CSMD1: variants seen among roughly 807,000 people sequenced by gnomAD.
The protein encoded by CSMD1 is CUB and sushi domain-containing protein 1.
In CSMD1, 213 loss-of-function variants were observed where a neutral mutation model predicts 417.5. That is an observed-to-expected ratio of 0.51 (90% CI 0.46 to 0.57). The LOEUF is 0.57. Ranked by LOEUF, CSMD1 falls within the 20% of genes least tolerant of loss-of-function variation. CSMD1 has a pLI of 0.00. For synonymous variants in CSMD1, 2,862 were observed against 1,736.8 expected (o/e 1.65, Z -16.11); for missense variants, 6,923 against 4,529.7 (o/e 1.53, Z -15.17).
chr8:3,615,441 A>G (rs1285131495), intron 8 of CSMD1, among the ~76,000 whole-genome samples: 1 of 152,144 alleles, frequency 6.6e-6, no homozygotes, highest in East Asian at 1.9e-4. Flanking sequence ...TTTCATCTCA[A>G]GCTCTGCCTC....
intron 23 of CSMD1, among the ~76,000 whole-genome samples, chr8:3,314,423 T>A (rs1020534738): frequency 6.6e-6 from 1 of 152,210 alleles, no homozygotes. Context: ...TATCCTTTTC[T>A]ATCTTGAAGC....
intron 3 of CSMD1, among the ~76,000 whole-genome samples, chr8:4,122,617 A>T (rs1430326438): frequency 6.6e-6 from 1 of 152,166 alleles, no homozygotes; most frequent in African/African-American, 2.4e-5. Flanking sequence ...GCAGAGATGG[A>T]GGTGATAAGC....
At chr8:4,121,017 A>T (rs986888553) in intron 3 of CSMD1, among the ~76,000 whole-genome samples, 1 of 152,182 alleles carries the variant, frequency 6.6e-6, no homozygotes, top group African/African-American at 2.4e-5. Context: ...TGGTTTATTA[A>T]ACATACTAGT....
chr8:3,923,674 T>C (rs1809440494), intron 5 of CSMD1, among the ~76,000 whole-genome samples: 1 of 152,186 alleles, frequency 6.6e-6, no homozygotes, highest in Non-Finnish European at 1.5e-5. Context: ...ATACATTCTT[T>C]TTATCTGTAG....
rs149676038 is a variant in CSMD1 at position 3,527,574 on chromosome 8, G to T, written c.1345-33848C>A. Among the ~76,000 whole-genome samples, 170 of 151,990 alleles carry T rather than the reference G, an allele frequency of 1.1e-3. 1 individual carries two copies. Among genetic ancestry groups the T allele is most frequent in the African/African-American group, 3.9e-3 (161 of 41,420 alleles). On this transcript the variant is annotated intron_variant, in intron 10 of 69. Coordinates refer to ENST00000635120, the MANE Select transcript of CSMD1 (RefSeq NM_033225.6). ...AAGAATTGATACCTGTGATAAAATCGCACAGAACTCTATACACACACACAC... is the reference window on the plus strand; with the variant it reads ...AAGAATTGATACCTGTGATAAAATCTCACAGAACTCTATACACACACACAC...
Position 4,295,188 on chromosome 8 carries a change from T to TTA in CSMD1, c.415+124763_415+124764dup, listed in dbSNP as rs560597162. Among the ~76,000 whole-genome samples, 211 of 98,170 alleles carry TTA rather than the reference T, an allele frequency of 2.1e-3. 5 individuals carry two copies. Among genetic ancestry groups the TTA allele is most frequent in the African/African-American group, 6.7e-3 (201 of 29,932 alleles). The allele number at this position is 98,170 out of a possible 152,430, so 64.4% of individuals were successfully genotyped here. A position where few individuals can be genotyped will look rare whatever the true frequency, so the allele number is the denominator to read the frequency against. Reference sequence around the variant, plus strand: ...ATCTTAAGATTATATAATCTTAAGATTATGCACATATAATCTTAAGATTTT... The same window carrying TTA: ...ATCTTAAGATTATATAATCTTAAGATTATATGCACATATAATCTTAAGATTTT... On this transcript the variant is annotated intron_variant, in intron 3 of 69. Transcript: ENST00000635120.
intron 3 of CSMD1, among the ~76,000 whole-genome samples, chr8:4,173,033 A>G (rs1028706492): frequency 2.0e-5 from 3 of 152,166 alleles, no homozygotes; most frequent in Non-Finnish European, 4.4e-5. Flanking sequence ...TTTAGCCCCT[A>G]ATATTGCAAG....
chr8:3,262,539 GA>G (rs776200645), intron 26 of CSMD1, among the ~76,000 whole-genome samples: 14 of 142,100 alleles, frequency 9.9e-5, no homozygotes, highest in African/African-American at 2.6e-4. Context: ...CGGGCCAAAT[GA>G]AAAAAAAAAG....
At chr8:3,168,477 G>C (rs1182526922) in intron 37 of CSMD1, among the ~76,000 whole-genome samples, 3 of 152,050 alleles carry the variant, frequency 2.0e-5, no homozygotes, top group African/African-American at 7.3e-5. Flanking sequence ...TGGAACATAG[G>C]GGAAGAAAGA....
At chr8:4,475,860 G>C (rs1020218577) in intron 2 of CSMD1, among the ~76,000 whole-genome samples, 3 of 152,052 alleles carry the variant, frequency 2.0e-5, no homozygotes, top group Non-Finnish European at 2.9e-5. Context: ...TGATCCACCT[G>C]CCTTACGCTC....
chr8:3,963,734 A>G (rs1812486447), intron 5 of CSMD1, among the ~76,000 whole-genome samples: 1 of 152,222 alleles, frequency 6.6e-6, no homozygotes, highest in Non-Finnish European at 1.5e-5. Context: ...TGATAGCAAA[A>G]CAAAAGCTAT....
intron 12 of CSMD1, among the ~76,000 whole-genome samples, chr8:3,411,805 C>T (rs1396249997): frequency 9.3e-6 from 1 of 107,860 alleles, no homozygotes; most frequent in Admixed American, 9.7e-5. Context: ...CGTATATATA[C>T]ACGTATATAT....
At chr8:3,130,444 C>A (rs1372189441) in intron 41 of CSMD1, among the ~76,000 whole-genome samples, 1 of 152,138 alleles carries the variant, frequency 6.6e-6, no homozygotes, top group Non-Finnish European at 1.5e-5. Flanking sequence ...CCTCGCTTCC[C>A]CCAACCCCCA....
At chr8:3,880,703 G>C (rs1015789820) in intron 5 of CSMD1, among the ~76,000 whole-genome samples, 3 of 152,046 alleles carry the variant, frequency 2.0e-5, no homozygotes, top group Non-Finnish European at 4.4e-5. Context: ...CAAATCCTCA[G>C]CTCCAATCCT....
intron 2 of CSMD1, among the ~76,000 whole-genome samples, chr8:4,536,625 A>G (rs1797116015): frequency 6.6e-6 from 1 of 152,240 alleles, no homozygotes; most frequent in Admixed American, 6.5e-5. Context: ...TACTGAGAAT[A>G]GGTACAGGTT....
intron 3 of CSMD1, among the ~76,000 whole-genome samples, chr8:4,412,796 T>G (rs984319342): frequency 6.7e-6 from 1 of 149,712 alleles, no homozygotes; most frequent in African/African-American, 2.6e-5. Context: ...AGTTTTATTA[T>G]TTTTATTTAA....
chr8:3,498,275 A>G (rs1259933325), intron 10 of CSMD1, among the ~76,000 whole-genome samples: 1 of 152,212 alleles, frequency 6.6e-6, no homozygotes, highest in Non-Finnish European at 1.5e-5. Flanking sequence ...ATATTGCTAT[A>G]TCAAGGTGTG....
At chr8:3,828,966 CAGTTCCTT>C (rs1293847815) in intron 5 of CSMD1, among the ~76,000 whole-genome samples, 1 of 152,182 alleles carries the variant, frequency 6.6e-6, no homozygotes, top group Non-Finnish European at 1.5e-5. Flanking sequence ...TATGGCAACA[CAGTTCCTT>C]AGGGTTTTTA....
chr8:3,636,288 T>C (rs554687005), intron 7 of CSMD1, among the ~76,000 whole-genome samples: 1 of 152,312 alleles, frequency 6.6e-6, no homozygotes, highest in South Asian at 2.1e-4. Context: ...CTGAAGGCCC[T>C]GCCTGAGGCT....
Sources: allele counts gnomAD v4.1 joint callset (sites outside exome capture counted in the v4.1 genomes callset), GRCh38; gene constraint gnomAD v4.1.1; transcripts MANE v1.5; gene names NCBI Gene and HGNC (gene_info 2026-07-23, HGNC 2026-07-21).